ADAMTS19: variants seen among roughly 807,000 people sequenced by gnomAD.
ADAMTS19 encodes the protein ADAM metallopeptidase with thrombospondin type 1 motif 19.
A neutral mutation model predicts 153.3 loss-of-function variants in ADAMTS19; 93 were observed. The ratio of observed to expected loss-of-function variants is 0.61; its 90% CI spans 0.51 to 0.72. The LOEUF is 0.72. Among genes scored for constraint, ADAMTS19 ranks in the 30% least tolerant of loss-of-function variants. The pLI, the probability that ADAMTS19 is intolerant of heterozygous loss-of-function variation, is 0.00. For missense variants in ADAMTS19, 1,482 were observed against 1,552.1 expected (o/e 0.95, Z 0.76); for synonymous variants, 600 against 556.6 (o/e 1.08, Z -1.10).
intron 6 of ADAMTS19, among the ~76,000 whole-genome samples, chr5:129,535,647 G>A (rs1016725064): frequency 1.3e-5 from 2 of 151,998 alleles, no homozygotes; most frequent in Admixed American, 1.3e-4. Flanking sequence ...CATCACGCTA[G>A]CTGACTTCAA....
At position 129,559,165 on chromosome 5, in the gene ADAMTS19, C is replaced by T. The variant is rs554584522; in HGVS notation, c.1372+7258C>T. ...TAAGACAATGACTAATTTTAATTCT[C>T]AGATATTATTGAAGACATTACAATG... On this transcript the variant is annotated intron_variant, in intron 7 of 22. Transcript: ENST00000274487. 4.6e-5 allele frequency among the ~76,000 whole-genome samples: 7 copies of T among 152,034 alleles called. No individual in the cohort carries two copies. In the South Asian group the frequency reaches 1.2e-3, roughly 27 times the overall value.
intron 8 of ADAMTS19, among the ~76,000 whole-genome samples, chr5:129,618,414 C>G (rs915574000): frequency 2.6e-5 from 4 of 151,714 alleles, no homozygotes; most frequent in African/African-American, 9.7e-5. Flanking sequence ...TTATTTATAC[C>G]AGAATTTTTA....
At chr5:129,535,460 C>G (rs1207334709) in intron 6 of ADAMTS19, among the ~76,000 whole-genome samples, 1 of 152,106 alleles carries the variant, frequency 6.6e-6, no homozygotes, top group Non-Finnish European at 1.5e-5. Flanking sequence ...TAGGAAGAAT[C>G]AGTATCCTGA....
intron 11 of ADAMTS19, among the ~76,000 whole-genome samples, chr5:129,644,444 A>T (rs1296400623): frequency 6.6e-6 from 1 of 152,230 alleles, no homozygotes; most frequent in East Asian, 1.9e-4. Context: ...ATAACACTCT[A>T]GTGATATTAA....
intron 18 of ADAMTS19, 108 bp downstream of exon 18, chr5:129,684,381 T>C: frequency 2.9e-6 from 4 of 1,395,872 alleles, no homozygotes; most frequent in Non-Finnish European, 3.8e-6. Flanking sequence ...CCAAAATCCA[T>C]AAAGAGTTAG....
intron 8 of ADAMTS19, among the ~76,000 whole-genome samples, chr5:129,614,574 A>G (rs191184638): frequency 0.028 from 4,274 of 152,268 alleles, 201 homozygotes; most frequent in African/African-American, 0.097. Flanking sequence ...CCCACAGCCA[A>G]TATCATACTG....
intron 21 of ADAMTS19, among the ~76,000 whole-genome samples, chr5:129,706,019 C>G (rs1196729558): frequency 6.6e-6 from 1 of 151,942 alleles, no homozygotes; most frequent in Non-Finnish European, 1.5e-5. Context: ...TGGATAAGTT[C>G]TTTAGTGTAT....
chr5:129,576,497 A>T lies in ADAMTS19; in HGVS notation c.1373-20062A>T, dbSNP rs76467008. Among the ~76,000 whole-genome samples, 418 of 152,230 alleles carry T rather than the reference A, an allele frequency of 2.7e-3. 1 individual carries two copies. The highest frequency in any genetic ancestry group is 9.5e-3 in the African/African-American group (395 of 41,560). On this transcript the variant is annotated intron_variant, in intron 7 of 22. Transcript: ENST00000274487. ...TTCTACAGTGTATTAAATCTTTCTCATAAGTTTCTATTTCACTTAATTCCA... is the reference window on the plus strand; with the variant it reads ...TTCTACAGTGTATTAAATCTTTCTCTTAAGTTTCTATTTCACTTAATTCCA...
chr5:129,735,008 A>G lies in ADAMTS19; in HGVS notation c.3389A>G (p.Asn1130Ser). 1 of 1,612,292 alleles carries G rather than the reference A, an allele frequency of 6.2e-7. No homozygotes were observed. The highest frequency in any genetic ancestry group is 8.5e-7 in the Non-Finnish European group (1 of 1,178,930). ...CATAAGATCACAGGAAGACATGGAA[A>G]TGAATGTTTTTCCTCAGAAAAACCT... ...CMHKITGRHG[N>S]ECFSSEKPAA... is the part of the protein sequence containing the mutation. The change falls in exon 22 of 23, where the codon AAT becomes AGT. Residue 1130 changes from asparagine (N) to serine (S), a missense_variant. Coordinates refer to ENST00000274487, the MANE Select transcript of ADAMTS19 (RefSeq NM_133638.6).
In ADAMTS19 at chr5:129,461,478, G is replaced by T; in HGVS notation, c.468G>T (p.Pro156=). ...CGCCGCCTCCCCCGCAGCCGCCCCC[G>T]TCCCCGCCCCCGGCCCAGCATGCCG... The part of the protein sequence containing the change: ...WQPPPPPQPP[P]SPPPAQHAEP... The change falls in exon 2 of 23, where the codon CCG becomes CCT. Residue 156 remains proline (P), a synonymous_variant. Transcript: ENST00000274487. This position sits in a 1 kb window ranked among gnomAD's most constrained non-coding sequence, Gnocchi z 4.6. The T allele has an allele frequency of 6.8e-7, 1 of 1,475,980 alleles. No homozygotes were observed. Among genetic ancestry groups the T allele is most frequent in the Non-Finnish European group, 8.9e-7 (1 of 1,122,446 alleles). The allele number at this position is 1,475,980 out of a possible 1,614,324, so 91.4% of individuals were successfully genotyped here.
At chr5:129,689,573 C>T (rs2127139188) in intron 18 of ADAMTS19, among the ~76,000 whole-genome samples, 1 of 152,040 alleles carries the variant, frequency 6.6e-6, no homozygotes, top group South Asian at 2.1e-4. Flanking sequence ...TACAGGCACA[C>T]ACCACCACAC....
At chr5:129,555,865 G>C (rs1290063989) in intron 7 of ADAMTS19, among the ~76,000 whole-genome samples, 1 of 152,136 alleles carries the variant, frequency 6.6e-6, no homozygotes, top group East Asian at 1.9e-4. Context: ...TGAAGATATA[G>C]AATTAAATTG....
chr5:129,566,695 T>G (rs1316743569), intron 7 of ADAMTS19, among the ~76,000 whole-genome samples: 2 of 152,116 alleles, frequency 1.3e-5, no homozygotes, highest in Admixed American at 6.5e-5. Flanking sequence ...TCAGAGAAAG[T>G]AGGAGAAGCC....
At chr5:129,660,144 G>C (rs1753758306) in intron 15 of ADAMTS19, among the ~76,000 whole-genome samples, 1 of 152,150 alleles carries the variant, frequency 6.6e-6, no homozygotes, top group Admixed American at 6.6e-5. Context: ...CAGAATAAAA[G>C]ATAAGTGAGA....
intron 10 of ADAMTS19, 112 bp downstream of exon 10, chr5:129,622,460 A>G (rs1419329861): frequency 8.4e-7 from 1 of 1,191,404 alleles, no homozygotes; most frequent in Admixed American, 3.2e-5. Context: ...CCCAATATAT[A>G]AAAGAAGGAT....
At chr5:129,688,381 C>A (rs1554106458) in intron 18 of ADAMTS19, among the ~76,000 whole-genome samples, 1 of 152,040 alleles carries the variant, frequency 6.6e-6, no homozygotes. Flanking sequence ...TTTTCTAATT[C>A]TGTTGTAAGA....
chr5:129,728,357 T>C (rs950768761), intron 21 of ADAMTS19, among the ~76,000 whole-genome samples: 22 of 152,282 alleles, frequency 1.4e-4, no homozygotes, highest in African/African-American at 5.3e-4. Context: ...CTTTTATTCC[T>C]TTATCTTCTT....
rs113396372 is a variant in ADAMTS19, at chr5:129,648,912, T to C, written c.2118T>C (p.Tyr706=). 1,607 of 1,613,722 alleles carry C rather than the reference T, an allele frequency of 1.0e-3. 19 individuals are homozygous for C. The African/African-American group carries it at 0.017, about 18-fold the overall frequency. The change falls in exon 13 of 23, where the codon TAT becomes TAC. Residue 706 remains tyrosine, a synonymous_variant. Transcript: ENST00000274487. ...TCAGAGACTGGCAATGTCAGGCTTATAGTGTTAGAACTTCCTCCCCAAAGC... is the reference window on the plus strand; with the variant it reads ...TCAGAGACTGGCAATGTCAGGCTTACAGTGTTAGAACTTCCTCCCCAAAGC... ...PGFRDWQCQA[Y]SVRTSSPKHI...
intron 8 of ADAMTS19, among the ~76,000 whole-genome samples, chr5:129,607,502 T>C (rs1750958254): frequency 1.3e-5 from 2 of 152,158 alleles, no homozygotes; most frequent in Non-Finnish European, 2.9e-5. Flanking sequence ...CATAAAGCAA[T>C]TGAGTCCCAG....
Sources: allele counts gnomAD v4.1 joint callset (sites outside exome capture counted in the v4.1 genomes callset), GRCh38; gene constraint gnomAD v4.1.1; non-coding constraint Gnocchi (gnomAD v3.1); transcripts MANE v1.5; gene names NCBI Gene and HGNC (gene_info 2026-07-23, HGNC 2026-07-21).